The following ADGRB3 variants were observed in gnomAD, a reference collection of about 807,000 sequenced individuals.
ADGRB3 encodes the protein brain-specific angiogenesis inhibitor 3.
A neutral mutation model predicts 193.4 loss-of-function variants in ADGRB3; 37 were observed. The observed-to-expected ratio is 0.19, with a 90% CI of 0.15 to 0.25. ADGRB3 has a LOEUF of 0.25. Ranked by LOEUF, ADGRB3 falls within the 10% of genes least tolerant of loss-of-function variation. The probability of loss-of-function intolerance (pLI) is 1.00; values close to 1 mark genes in which losing one functional copy is unlikely to be tolerated. For synonymous variants in ADGRB3, 690 were observed against 644.2 expected (o/e 1.07, Z -1.08); for missense variants, 1,637 against 1,852.9 (o/e 0.88, Z 2.14).
At chr6:69,343,288 C>T (rs1004554956) in intron 26 of ADGRB3, among the ~76,000 whole-genome samples, 15 of 150,540 alleles carry the variant, frequency 1.0e-4, no homozygotes, top group Non-Finnish European at 1.9e-4. Flanking sequence ...CACCCACTAA[C>T]TCGTCATCTA....
At chr6:68,700,594 A>C (rs919012553) in intron 3 of ADGRB3, among the ~76,000 whole-genome samples, 1 of 152,044 alleles carries the variant, frequency 6.6e-6, no homozygotes, top group Non-Finnish European at 1.5e-5. Context: ...ATTTCAGTAT[A>C]GAAAAGACAA....
Position 68,851,367 on chromosome 6 carries a change from A to G in ADGRB3, c.758-79192A>G, listed in dbSNP as rs546226145. 9.9e-5 allele frequency among the ~76,000 whole-genome samples: 15 copies of G among 151,728 alleles called. No individual in the cohort carries two copies. In the South Asian group the frequency reaches 3.1e-3, roughly 32 times the overall value. ...GTAATATTTTTCTTTTTACATGACA[A>G]TTTTTGCTCATTTTCCTAGGTATCA... On this transcript the variant is annotated intron_variant, in intron 3 of 31. Transcript: ENST00000370598.
chr6:69,281,691 G>GGATTAGTTAAGT (rs1767440522), intron 20 of ADGRB3, among the ~76,000 whole-genome samples: 1 of 152,156 alleles, frequency 6.6e-6, no homozygotes, highest in African/African-American at 2.4e-5. Flanking sequence ...CCAAGATTCT[G>GGATTAGTTAAGT]GAGGGATTAG....
chr6:68,950,543 A>G (rs892601698), intron 6 of ADGRB3, among the ~76,000 whole-genome samples: 16 of 152,160 alleles, frequency 1.1e-4, no homozygotes, highest in Admixed American at 1.0e-3. Context: ...TTTAACCTCA[A>G]AAAGATAGAA....
chr6:69,372,416 C>T lies in ADGRB3; in HGVS notation c.4250C>T (p.Ser1417Leu). Residue 1417 changes from serine to leucine, a missense_variant, in exon 30 of 32, where the codon TCA becomes TTA. Physicochemically the swap from Ser to Leu is moderately radical, Grantham distance 145. Transcript: ENST00000370598. Reference protein sequence around the residue: ...ISMSSLERRKSRYSDLDFEKV... With the variant: ...ISMSSLERRKLRYSDLDFEKV... Reference sequence around the variant, plus strand: ...AAATATATCTTACAGAGAAGAAAATCACGATATTCAGACCTTGACTTTGAG... The same window carrying T: ...AAATATATCTTACAGAGAAGAAAATTACGATATTCAGACCTTGACTTTGAG... 1 of 1,371,918 alleles carries T rather than the reference C, an allele frequency of 7.3e-7. No individual in the cohort carries two copies. Among genetic ancestry groups the T allele is most frequent in the Non-Finnish European group, 1.0e-6 (1 of 1,001,940 alleles). 85.0% of individuals were successfully genotyped at this position (1,371,918 alleles called of 1,614,324 possible). A position where few individuals can be genotyped will look rare whatever the true frequency, so the allele number is the denominator to read the frequency against.
At chr6:69,173,195 G>A (rs952077849) in intron 17 of ADGRB3, among the ~76,000 whole-genome samples, 9 of 152,098 alleles carry the variant, frequency 5.9e-5, no homozygotes, top group Admixed American at 4.6e-4. Flanking sequence ...GTACCACCAC[G>A]TCTGGCTAAT....
intron 3 of ADGRB3, among the ~76,000 whole-genome samples, chr6:68,844,703 G>A (rs944724862): frequency 3.9e-5 from 6 of 152,114 alleles, no homozygotes; most frequent in South Asian, 2.1e-4. Flanking sequence ...AGCCAAGATT[G>A]GGAAGCAACC....
intron 16 of ADGRB3, among the ~76,000 whole-genome samples, chr6:69,064,461 C>T (rs900731844): frequency 6.6e-6 from 1 of 152,016 alleles, no homozygotes; most frequent in African/African-American, 2.4e-5. Flanking sequence ...TTTAGTTCTA[C>T]AATATCTACC....
At chr6:68,940,381 A>G (rs1402567824) in intron 5 of ADGRB3, among the ~76,000 whole-genome samples, 4 of 151,740 alleles carry the variant, frequency 2.6e-5, no homozygotes, top group African/African-American at 9.7e-5. Flanking sequence ...ATTAGATGCC[A>G]GTAGCCCCCC....
intron 3 of ADGRB3, among the ~76,000 whole-genome samples, chr6:68,742,744 A>G (rs554850063): frequency 1.3e-5 from 2 of 152,274 alleles, no homozygotes; most frequent in African/African-American, 4.8e-5. Context: ...TTAAGAAATA[A>G]TGTGATAATA....
chr6:68,859,920 A>G (rs1765102111), intron 3 of ADGRB3, among the ~76,000 whole-genome samples: 2 of 152,200 alleles, frequency 1.3e-5, no homozygotes, highest in Non-Finnish European at 2.9e-5. Flanking sequence ...TAGAAATGCA[A>G]TTGAGAAAAT....
At chr6:69,263,275 T>A (rs1561970266) in intron 20 of ADGRB3, among the ~76,000 whole-genome samples, 1 of 152,082 alleles carries the variant, frequency 6.6e-6, no homozygotes, top group Non-Finnish European at 1.5e-5. Flanking sequence ...CCACAGGGAA[T>A]ACAAATCCTT....
In ADGRB3 at chr6:69,149,821, G is replaced by A. The variant is rs576019541; in HGVS notation, c.2480+73783G>A. Among the ~76,000 whole-genome samples the A allele has an allele frequency of 8.5e-5, 13 of 152,102 alleles. No homozygotes were observed. In the South Asian group the frequency reaches 1.2e-3, roughly 15 times the overall value. The stretch of plus-strand genomic sequence containing the variant: ...TCTTGCAGACCAACTTGGTGGTCTC[G>A]CGTAGCATCGGAGAGAATTCCCTGG... On this transcript the variant is annotated intron_variant, in intron 17 of 31. Transcript: ENST00000370598.
intron 25 of ADGRB3, 22 bp downstream of exon 25, chr6:69,339,036 C>A (rs1768916008): frequency 1.2e-6 from 2 of 1,609,322 alleles, no homozygotes; most frequent in African/African-American, 1.3e-5. Flanking sequence ...TCATTTACAT[C>A]TTCTTGTTAC....
chr6:69,036,745 CTG>C (rs1326264822), intron 13 of ADGRB3, among the ~76,000 whole-genome samples: 2 of 152,136 alleles, frequency 1.3e-5, no homozygotes, highest in African/African-American at 4.8e-5. Flanking sequence ...TAGAAAAGAT[CTG>C]TGCATCTTAG....
At chr6:69,255,546 GTTGT>G (rs1424027992) in intron 20 of ADGRB3, among the ~76,000 whole-genome samples, 5 of 152,116 alleles carry the variant, frequency 3.3e-5, no homozygotes, top group African/African-American at 4.8e-5. Context: ...TTTTTGAGGG[GTTGT>G]TTGTTTTTTT....
intron 3 of ADGRB3, among the ~76,000 whole-genome samples, chr6:68,814,835 C>T (rs1023781103): frequency 5.3e-5 from 8 of 152,086 alleles, no homozygotes; most frequent in South Asian, 2.1e-4. Flanking sequence ...TTTCAACATA[C>T]GAAAATCAAT....
chr6:68,964,127 C>T (rs537141088), intron 8 of ADGRB3, among the ~76,000 whole-genome samples: 1 of 152,102 alleles, frequency 6.6e-6, no homozygotes, highest in Non-Finnish European at 1.5e-5. Flanking sequence ...ACTGGAAGAA[C>T]ATTTCTATCA....
intron 17 of ADGRB3, among the ~76,000 whole-genome samples, chr6:69,103,105 CA>C (rs201194950): frequency 1.3e-5 from 2 of 150,848 alleles, no homozygotes; most frequent in Admixed American, 6.6e-5. Context: ...ATGTTGCCCT[CA>C]AAAAAAAATC....
Sources: allele counts gnomAD v4.1 joint callset (sites outside exome capture counted in the v4.1 genomes callset), GRCh38; gene constraint gnomAD v4.1.1; transcripts MANE v1.5; gene names NCBI Gene and HGNC (gene_info 2026-07-23, HGNC 2026-07-21).